The following DNAJB14 variants were observed in gnomAD, a reference collection of about 807,000 sequenced individuals.
DNAJB14 encodes the protein dnaJ homolog subfamily B member 14.
Under a neutral mutation model 48.4 loss-of-function variants are expected in DNAJB14, and 22 were observed. The observed-to-expected ratio is 0.45, with a 90% confidence interval of 0.32 to 0.65. The LOEUF is 0.65. DNAJB14 is among the 30% of genes least tolerant of loss of function. DNAJB14 has a pLI of 0.03. For missense variants in DNAJB14, 319 were observed against 458.8 expected (o/e 0.70, Z 2.78); for synonymous variants, 142 against 158.7 (o/e 0.89, Z 0.79).
chr4:99,939,189 C>G (rs1726799919), intron 1 of DNAJB14, among the ~76,000 whole-genome samples: 1 of 152,100 alleles, frequency 6.6e-6, no homozygotes, highest in Admixed American at 6.6e-5. Flanking sequence ...TGGGGAAACC[C>G]CGTCTCTACT....
intron 3 of DNAJB14, among the ~76,000 whole-genome samples, chr4:99,921,492 A>G (rs1313420292): frequency 6.6e-6 from 1 of 152,236 alleles, no homozygotes; most frequent in African/African-American, 2.4e-5. Flanking sequence ...AGATGCTAAC[A>G]TGACTTCAAT....
At chr4:99,904,023 C>T in intron 6 of DNAJB14, 125 bp from the exon 7 acceptor site, 1 of 992,624 alleles carries the variant, frequency 1.0e-6, no homozygotes, top group South Asian at 1.7e-5. Context: ...GGTTGAGCAT[C>T]CCTAATCCGA....
chr4:99,908,923 T>C, intron 3 of DNAJB14, 27 bp from the exon 4 acceptor site: 3 of 1,469,944 alleles, frequency 2.0e-6, no homozygotes, highest in Non-Finnish European at 2.7e-6. Flanking sequence ...TAAAAGTTGG[T>C]AAGCAAAGTT....
At chr4:99,924,996 T>C (rs940111194) in intron 2 of DNAJB14, 2 of 593,966 alleles carry the variant, frequency 3.4e-6, no homozygotes, top group Non-Finnish European at 6.0e-6. Context: ...CTATTTGTTA[T>C]GGACTGCTGC....
At chr4:99,925,659 T>C (rs1391520187) in intron 2 of DNAJB14, 3 of 152,184 alleles carry the variant, frequency 2.0e-5, no homozygotes, top group Non-Finnish European at 2.9e-5. Context: ...TTTCAGATGC[T>C]ACAGTGGTGA....
chr4:99,939,348 C>T (rs553910556), intron 1 of DNAJB14, among the ~76,000 whole-genome samples: 5 of 152,024 alleles, frequency 3.3e-5, no homozygotes, highest in South Asian at 2.1e-4. Context: ...GGCAACAGAG[C>T]GAGACTCCAT....
intron 2 of DNAJB14, 174 bp downstream of exon 2, chr4:99,930,276 G>A: frequency 2.1e-6 from 1 of 480,020 alleles, no homozygotes; most frequent in East Asian, 3.5e-5. Context: ...ATTCTATAGA[G>A]TTGGTACTTT....
At chr4:99,932,444 A>T (rs970999394) in intron 1 of DNAJB14, among the ~76,000 whole-genome samples, 2 of 152,158 alleles carry the variant, frequency 1.3e-5, no homozygotes, top group Non-Finnish European at 2.9e-5. Flanking sequence ...AGGGAAATAA[A>T]AATCAAAACC....
chr4:99,911,673 T>A (rs576482371), intron 3 of DNAJB14, among the ~76,000 whole-genome samples: 12 of 152,352 alleles, frequency 7.9e-5, no homozygotes, highest in Admixed American at 7.8e-4. Context: ...TGTGCTTATT[T>A]GCCCTCTGTA....
At chr4:99,916,250 C>T (rs912570273) in intron 3 of DNAJB14, among the ~76,000 whole-genome samples, 107 of 152,188 alleles carry the variant, frequency 7.0e-4, no homozygotes, top group African/African-American at 2.4e-3. Flanking sequence ...GTGATTCTCC[C>T]ACCTCAGCCT....
At chr4:99,918,713 TAGG>T (rs150630430) in intron 3 of DNAJB14, among the ~76,000 whole-genome samples, 2,882 of 152,312 alleles carry the variant, frequency 0.019, 34 homozygotes, top group Non-Finnish European at 0.03. Context: ...TCTCCCTGGC[TAGG>T]AGGAGAAGAG....
At position 99,906,576 on chromosome 4, in the gene DNAJB14, A is replaced by G; in HGVS notation, c.673T>C (p.Tyr225His). The G allele has an allele frequency of 6.2e-7, 1 of 1,611,632 alleles. No homozygotes were observed. The highest frequency in any genetic ancestry group is 8.5e-7 in the Non-Finnish European group (1 of 1,179,588). ...TGTCGATGCTGATGTTGTTGGCTAT[A>G]ACCAGCTCTTCCATTTGAAAAAGAA... Reference protein sequence around the residue: ...VHSFSNGRAGYSQQHQHRHSG... With the variant: ...VHSFSNGRAGHSQQHQHRHSG... Residue 225 changes from tyrosine (Y) to histidine (H), a missense_variant, in exon 5 of 8, where the codon TAT (tyrosine) becomes CAT (histidine). Tyr to His is a moderately conservative substitution (Grantham distance 83). Coordinates refer to ENST00000442697, the MANE Select transcript of DNAJB14 (RefSeq NM_001031723.4).
At chr4:99,940,205 CAT>C (rs1191217089) in intron 1 of DNAJB14, among the ~76,000 whole-genome samples, 1 of 152,050 alleles carries the variant, frequency 6.6e-6, no homozygotes, top group African/African-American at 2.4e-5. Flanking sequence ...TATCAGAACA[CAT>C]GATTTGAAAA....
At chr4:99,930,185 G>A (rs1157038567) in intron 2 of DNAJB14, 1 of 267,418 alleles carries the variant, frequency 3.7e-6, no homozygotes, top group Non-Finnish European at 6.9e-6. Context: ...AACATATTGT[G>A]TGAAAAAGCT....
intron 2 of DNAJB14, chr4:99,923,926 A>T: frequency 1.0e-6 from 1 of 956,434 alleles, no homozygotes; most frequent in Non-Finnish European, 1.2e-6. Context: ...GACTCAAAAA[A>T]TGTTATCCCT....
At chr4:99,936,282 A>G (rs547851122) in intron 1 of DNAJB14, among the ~76,000 whole-genome samples, 73 of 152,368 alleles carry the variant, frequency 4.8e-4, no homozygotes, top group African/African-American at 1.7e-3. Context: ...AACAGAGAAC[A>G]GAATCACAAA....
chr4:99,934,432 A>G (rs1726593106), intron 1 of DNAJB14, among the ~76,000 whole-genome samples: 1 of 152,166 alleles, frequency 6.6e-6, no homozygotes, highest in Non-Finnish European at 1.5e-5. Flanking sequence ...TTAATACTTC[A>G]AAACAAGCTG....
intron 1 of DNAJB14, among the ~76,000 whole-genome samples, chr4:99,932,291 G>T (rs1389194922): frequency 6.6e-6 from 1 of 151,622 alleles, no homozygotes; most frequent in East Asian, 1.9e-4. Context: ...AATATATAAA[G>T]AATTCTTACA....
chr4:99,907,925 A>C (rs1725524486), intron 4 of DNAJB14, among the ~76,000 whole-genome samples: 1 of 152,198 alleles, frequency 6.6e-6, no homozygotes, highest in African/African-American at 2.4e-5. Flanking sequence ...ACTTAACGTC[A>C]TCAAGAGGTC....
Sources: allele counts gnomAD v4.1 joint callset (sites outside exome capture counted in the v4.1 genomes callset), GRCh38; gene constraint gnomAD v4.1.1; transcripts MANE v1.5; gene names NCBI Gene and HGNC (gene_info 2026-07-23, HGNC 2026-07-21).